ERBB4: variants seen among roughly 807,000 people sequenced by gnomAD.
ERBB4 encodes receptor tyrosine-protein kinase erbB-4.
ERBB4 carries 42 observed loss-of-function variants against 158.0 expected under a neutral mutation model. The ratio of observed to expected loss-of-function variants is 0.27; its 90% CI spans 0.21 to 0.34. ERBB4 has a LOEUF of 0.34. ERBB4 is among the 10% of genes least tolerant of loss of function. The pLI, the probability that ERBB4 is intolerant of heterozygous loss-of-function variation, is 1.00. For missense variants in ERBB4, 1,333 were observed against 1,624.1 expected, an observed-to-expected ratio of 0.82 and a Z score of 3.08; for synonymous variants, 583 against 558.7, an observed-to-expected ratio of 1.04 and a Z score of -0.61.
At chr2:211,583,281 A>T (rs139695897) in intron 19 of ERBB4, among the ~76,000 whole-genome samples, 1,529 of 152,088 alleles carry the variant, frequency 0.01, 19 homozygotes, top group Middle Eastern at 0.019. Context: ...GAAACAATTT[A>T]ATTTCATAAA....
intron 19 of ERBB4, among the ~76,000 whole-genome samples, chr2:211,574,850 A>C (rs1466235992): frequency 6.6e-6 from 1 of 152,196 alleles, no homozygotes; most frequent in African/African-American, 2.4e-5. Flanking sequence ...CTAATTCTTA[A>C]CAACCATACT....
intron 2 of ERBB4, among the ~76,000 whole-genome samples, chr2:212,087,914 A>G (rs1300191555): frequency 2.9e-5 from 3 of 103,842 alleles, no homozygotes; most frequent in African/African-American, 7.6e-5. Context: ...AGGAATAATA[A>G]TAACACTTAC....
At chr2:211,433,173 C>G (rs1378217022) in intron 20 of ERBB4, among the ~76,000 whole-genome samples, 2 of 152,236 alleles carry the variant, frequency 1.3e-5, no homozygotes, top group Non-Finnish European at 2.9e-5. Context: ...AGCAGTGAAA[C>G]TGAAAACAAA....
intron 1 of ERBB4, among the ~76,000 whole-genome samples, chr2:212,470,396 T>C (rs1447425091): frequency 6.6e-6 from 1 of 152,080 alleles, no homozygotes; most frequent in Non-Finnish European, 1.5e-5. Flanking sequence ...GTGATTAAAA[T>C]AAGGATTGCC....
chr2:211,548,438 A>G lies in ERBB4; in HGVS notation c.2487+13465T>C, dbSNP rs540533965. On this transcript the variant is annotated intron_variant, in intron 20 of 27. Transcript: ENST00000342788. ...TTCAAATAAAATTCTATAGAGAAAAAATTCATAAGCTCATTTAAAAAATTA... is the reference window on the plus strand; with the variant it reads ...TTCAAATAAAATTCTATAGAGAAAAGATTCATAAGCTCATTTAAAAAATTA... Among the ~76,000 whole-genome samples the G allele has an allele frequency of 2.6e-4, 39 of 152,244 alleles. 1 individual carries two copies. The South Asian group carries it at 7.0e-3, about 27-fold the overall frequency.
In ERBB4 at chr2:211,430,964, T is replaced by C; in HGVS notation, c.2624A>G (p.Tyr875Cys). The change falls in exon 21 of 28, where the codon TAC becomes TGC. Residue 875 changes from tyrosine to cysteine, a missense_variant. This residue lies in a region of ERBB4 where 314 missense variants were observed against 437.6 expected (regional missense o/e 0.72). Transcript: ENST00000342788. Reference sequence around the variant, plus strand: ...ACCCACCTTTCCTCCATCAGCATTGTACTCTTTTTCATCTCCTTCCAAGAG... The same window carrying C: ...ACCCACCTTTCCTCCATCAGCATTGCACTCTTTTTCATCTCCTTCCAAGAG... The part of the protein sequence containing the change: ...ARLLEGDEKE[Y>C]NADGGKMPIK... The C allele has an allele frequency of 1.2e-6, 2 of 1,613,722 alleles. No individual in the cohort carries two copies. Among genetic ancestry groups the C allele is most frequent in the African/African-American group, 1.3e-5 (1 of 75,038 alleles).
At chr2:211,514,778 T>C (rs1043129297) in intron 20 of ERBB4, among the ~76,000 whole-genome samples, 2 of 152,204 alleles carry the variant, frequency 1.3e-5, no homozygotes, top group African/African-American at 4.8e-5. Context: ...GAAATATTTG[T>C]ATTATACTTA....
chr2:212,043,203 C>T (rs2077180652), intron 2 of ERBB4, among the ~76,000 whole-genome samples: 1 of 152,108 alleles, frequency 6.6e-6, no homozygotes, highest in Non-Finnish European at 1.5e-5. Flanking sequence ...ATTAGTTCAG[C>T]TATAATCCTG....
intron 25 of ERBB4, among the ~76,000 whole-genome samples, chr2:211,393,455 C>T (rs2062845628): frequency 6.6e-6 from 1 of 152,106 alleles, no homozygotes; most frequent in South Asian, 2.1e-4. Flanking sequence ...AACATTATAC[C>T]ACACATAGAT....
At chr2:211,765,279 G>A (rs531874721) in intron 4 of ERBB4, among the ~76,000 whole-genome samples, 53 of 152,254 alleles carry the variant, frequency 3.5e-4, no homozygotes, top group Non-Finnish European at 6.6e-4. Flanking sequence ...GCATCATCAT[G>A]CTTTTTGGAA....
chr2:212,128,799 A>G (rs967655153), intron 1 of ERBB4, among the ~76,000 whole-genome samples: 20 of 152,160 alleles, frequency 1.3e-4, no homozygotes, highest in Non-Finnish European at 1.5e-5. Flanking sequence ...TTATTAAAAC[A>G]AACACCCAGG....
intron 1 of ERBB4, among the ~76,000 whole-genome samples, chr2:212,433,503 A>G (rs2092074338): frequency 6.6e-6 from 1 of 152,016 alleles, no homozygotes; most frequent in Non-Finnish European, 1.5e-5. Context: ...ATCGAAAAAT[A>G]TTCACATTTA....
chr2:211,872,355 A>G (rs2078372869), intron 3 of ERBB4, among the ~76,000 whole-genome samples: 1 of 152,150 alleles, frequency 6.6e-6, no homozygotes, highest in Admixed American at 6.5e-5. Flanking sequence ...TGATAATAGA[A>G]TTATGTGTGT....
At chr2:211,686,069 A>G (rs1343984927) in intron 12 of ERBB4, among the ~76,000 whole-genome samples, 4 of 151,602 alleles carry the variant, frequency 2.6e-5, no homozygotes, top group African/African-American at 4.8e-5. Context: ...GAATAGAGAG[A>G]TTTTTTTTCC....
intron 1 of ERBB4, among the ~76,000 whole-genome samples, chr2:212,162,569 G>A (rs7583813): frequency 0.65 from 98,777 of 151,620 alleles, 33,015 homozygotes; most frequent in African/African-American, 0.72. Flanking sequence ...TAAATTTTAC[G>A]TCAAAAGAAA....
intron 20 of ERBB4, among the ~76,000 whole-genome samples, chr2:211,441,781 T>C (rs1026817903): frequency 2.0e-5 from 3 of 152,122 alleles, no homozygotes; most frequent in African/African-American, 7.2e-5. Flanking sequence ...TACCCTCTTC[T>C]GAACTTTGTG....
chr2:212,535,102 T>C (rs1271224546), intron 1 of ERBB4, among the ~76,000 whole-genome samples: 3 of 152,234 alleles, frequency 2.0e-5, no homozygotes, highest in African/African-American at 7.2e-5. Flanking sequence ...AAAAAAGGAA[T>C]ACTGATATAA....
intron 1 of ERBB4, among the ~76,000 whole-genome samples, chr2:212,359,846 CTACTT>C (rs761941170): frequency 1.3e-5 from 2 of 151,306 alleles, no homozygotes; most frequent in Non-Finnish European, 3.0e-5. Flanking sequence ...AAAGAATGTT[CTACTT>C]TACATTTTTT....
intron 2 of ERBB4, among the ~76,000 whole-genome samples, chr2:211,991,388 A>T (rs2082071670): frequency 6.6e-6 from 1 of 152,176 alleles, no homozygotes; most frequent in African/African-American, 2.4e-5. Flanking sequence ...CATAAATATG[A>T]TGAGGGACCT....
Sources: allele counts gnomAD v4.1 joint callset (sites outside exome capture counted in the v4.1 genomes callset), GRCh38; gene constraint gnomAD v4.1.1; regional missense constraint gnomAD v4.1.1; transcripts MANE v1.5; gene names NCBI Gene and HGNC (gene_info 2026-07-23, HGNC 2026-07-21).